The following RABGAP1L variants were observed in gnomAD, a reference collection of about 807,000 sequenced individuals.
The protein encoded by RABGAP1L is RAB GTPase activating protein 1 like, also known as rab GTPase-activating protein 1-like.
In RABGAP1L, 63 loss-of-function variants were observed where a neutral mutation model predicts 137.7. The observed-to-expected ratio is 0.46, with a 90% CI of 0.37 to 0.56. RABGAP1L has a LOEUF of 0.56. Among genes scored for constraint, RABGAP1L ranks in the 20% least tolerant of loss-of-function variants. The probability of loss-of-function intolerance (pLI) is 0.00; values close to 1 mark genes in which losing one functional copy is unlikely to be tolerated. For synonymous variants in RABGAP1L, 431 were observed against 433.7 expected (o/e 0.99, Z 0.08); for missense variants, 1,095 against 1,244.0 (o/e 0.88, Z 1.80).
At chr1:174,408,195 A>T (rs1044947671) in intron 13 of RABGAP1L, among the ~76,000 whole-genome samples, 1 of 152,094 alleles carries the variant, frequency 6.6e-6, no homozygotes, top group African/African-American at 2.4e-5. Context: ...GTACCCCAGT[A>T]CTTAGTTTTT....
chr1:174,288,507 T>C (rs1254982690), intron 10 of RABGAP1L, among the ~76,000 whole-genome samples: 1 of 152,212 alleles, frequency 6.6e-6, no homozygotes, highest in East Asian at 1.9e-4. Context: ...CTTTTCTCTT[T>C]CAATATATTG....
intron 17 of RABGAP1L, among the ~76,000 whole-genome samples, chr1:174,726,436 T>C (rs1681988504): frequency 6.6e-6 from 1 of 151,902 alleles, no homozygotes; most frequent in Non-Finnish European, 1.5e-5. Context: ...TAAATTAGGG[T>C]ACATCTTTTT....
chr1:174,988,785 C>G lies in RABGAP1L; in HGVS notation c.2950C>G (p.Leu984Val). ...SLKKQLREME[L>V]ELAQTKLQLV... ...TAAGAAGCAGCTGAGAGAGATGGAA[C>G]TGGAACTGGCACAAACCAAACTGCA... Residue 984 changes from leucine to valine, a missense_variant, in exon 25 of 26, where the codon CTG (leucine) becomes GTG (valine). Physicochemically the swap from Leu to Val is conservative, Grantham distance 32. Coordinates refer to ENST00000681986, the MANE Select transcript of RABGAP1L (RefSeq NM_001366446.1). 1.3e-6 allele frequency: 2 copies of G among 1,549,366 alleles called. No individual in the cohort carries two copies. The highest frequency in any genetic ancestry group is 1.7e-6 in the Non-Finnish European group (2 of 1,146,430).
At chr1:174,266,218 T>A (rs1263469174) in intron 7 of RABGAP1L, among the ~76,000 whole-genome samples, 3 of 152,200 alleles carry the variant, frequency 2.0e-5, no homozygotes, top group African/African-American at 7.2e-5. Context: ...AAAACTTACC[T>A]CTTAAGATTG....
chr1:174,186,803 T>C (rs937417601), intron 1 of RABGAP1L, among the ~76,000 whole-genome samples: 1 of 152,138 alleles, frequency 6.6e-6, no homozygotes, highest in Non-Finnish European at 1.5e-5. Flanking sequence ...TAACTTGAAA[T>C]CGAGGTATAC....
chr1:174,296,712 G>T (rs1008979594), intron 10 of RABGAP1L, among the ~76,000 whole-genome samples: 13 of 152,010 alleles, frequency 8.6e-5, no homozygotes, highest in Admixed American at 2.0e-4. Context: ...TTTTTTTAAT[G>T]AGTTTTTAAG....
intron 13 of RABGAP1L, among the ~76,000 whole-genome samples, chr1:174,458,343 T>A (rs957758348): frequency 9.9e-5 from 15 of 151,098 alleles, no homozygotes; most frequent in African/African-American, 3.2e-4. Flanking sequence ...AGAAAAAAAA[T>A]TTTTTTCTGT....
intron 19 of RABGAP1L, among the ~76,000 whole-genome samples, chr1:174,936,400 C>A (rs907393002): frequency 5.9e-5 from 9 of 151,940 alleles, no homozygotes; most frequent in Non-Finnish European, 8.8e-5. Flanking sequence ...CCCAGGAATT[C>A]AAGACCAGCC....
chr1:174,736,598 T>G (rs1682963760), intron 17 of RABGAP1L, among the ~76,000 whole-genome samples: 1 of 152,186 alleles, frequency 6.6e-6, no homozygotes, highest in African/African-American at 2.4e-5. Flanking sequence ...GTGTGGGGGC[T>G]CCAGCCCCAC....
At chr1:174,567,540 A>G (rs1277311167) in intron 13 of RABGAP1L, among the ~76,000 whole-genome samples, 7 of 152,320 alleles carry the variant, frequency 4.6e-5, no homozygotes, top group Admixed American at 4.6e-4. Flanking sequence ...TGGAAGATGA[A>G]TGAGTAGTAA....
chr1:174,434,102 T>TACACACACACACACACACACACAC (rs1400358664), intron 13 of RABGAP1L, among the ~76,000 whole-genome samples: 1 of 102,770 alleles, frequency 9.7e-6, no homozygotes, highest in African/African-American at 4.9e-5. Context: ...CGCATGCGTG[T>TACACACACACACACACACACACAC]ACACATACAC....
In RABGAP1L at chr1:174,489,310, A is replaced by G. The variant is rs1229809869; in HGVS notation, c.1710+95165A>G. Among the ~76,000 whole-genome samples the G allele has an allele frequency of 2.0e-5, 3 of 152,282 alleles. No individual in the cohort carries two copies. In the East Asian group the frequency reaches 5.8e-4, roughly 29 times the overall value. On this transcript the variant is annotated intron_variant, in intron 13 of 25. Transcript: ENST00000681986. Reference sequence around the variant, plus strand: ...AAAGGGCTAATATCCAGAATCTACAAAGAACTTAAACAAATTTACAAGAAA... The same window carrying G: ...AAAGGGCTAATATCCAGAATCTACAGAGAACTTAAACAAATTTACAAGAAA...
At chr1:174,444,741 C>T (rs1654546032) in intron 13 of RABGAP1L, among the ~76,000 whole-genome samples, 2 of 151,956 alleles carry the variant, frequency 1.3e-5, no homozygotes, top group Non-Finnish European at 2.9e-5. Flanking sequence ...ATATTTTTCA[C>T]AAGTCTCCAA....
chr1:174,701,421 G>T (rs1252514756), intron 16 of RABGAP1L, among the ~76,000 whole-genome samples: 1 of 152,140 alleles, frequency 6.6e-6, no homozygotes, highest in Non-Finnish European at 1.5e-5. Context: ...CCAAAGAGAA[G>T]ATACATTTCT....
chr1:174,222,380 A>C (rs1318639479), intron 3 of RABGAP1L, among the ~76,000 whole-genome samples: 1 of 152,190 alleles, frequency 6.6e-6, no homozygotes, highest in Non-Finnish European at 1.5e-5. Context: ...ACTGTTACAC[A>C]ATAGGGCTGT....
At chr1:174,730,654 C>T (rs2148620319) in intron 17 of RABGAP1L, among the ~76,000 whole-genome samples, 1 of 152,256 alleles carries the variant, frequency 6.6e-6, no homozygotes, top group South Asian at 2.1e-4. Flanking sequence ...TCCAGTGCCC[C>T]AGTGTGGGTT....
chr1:174,200,487 A>G (rs1360410455), intron 1 of RABGAP1L, among the ~76,000 whole-genome samples: 15 of 152,236 alleles, frequency 9.9e-5, no homozygotes, highest in Non-Finnish European at 1.5e-5. Context: ...GTATATACAG[A>G]TGTTTTTGCC....
chr1:174,626,019 G>C (rs923473528), intron 13 of RABGAP1L, among the ~76,000 whole-genome samples: 1 of 152,090 alleles, frequency 6.6e-6, no homozygotes, highest in African/African-American at 2.4e-5. Flanking sequence ...TTATAACTTC[G>C]GAAAGTAACA....
intron 13 of RABGAP1L, among the ~76,000 whole-genome samples, chr1:174,498,994 G>T: frequency 6.6e-6 from 1 of 151,880 alleles, no homozygotes; most frequent in African/African-American, 2.4e-5. Context: ...AATAAGTAGA[G>T]TAGGTTTTCT....
Sources: allele counts gnomAD v4.1 joint callset (sites outside exome capture counted in the v4.1 genomes callset), GRCh38; gene constraint gnomAD v4.1.1; transcripts MANE v1.5; gene names NCBI Gene and HGNC (gene_info 2026-07-23, HGNC 2026-07-21).